Variants in MARK4 observed in about 807,000 individuals in gnomAD.
MARK4 encodes MAP/microtubule affinity-regulating kinase 4.
In MARK4, 19 loss-of-function variants were observed where a neutral mutation model predicts 81.5. The observed-to-expected ratio is 0.23, with a 90% CI of 0.16 to 0.34. The LOEUF is 0.34. MARK4 is among the 10% of genes least tolerant of loss of function. The probability of loss-of-function intolerance (pLI) is 1.00; values close to 1 mark genes in which losing one functional copy is unlikely to be tolerated. For synonymous variants in MARK4, 436 were observed against 439.0 expected, an observed-to-expected ratio of 0.99 and a Z score of 0.08; for missense variants, 772 against 1,058.8, an observed-to-expected ratio of 0.73 and a Z score of 3.76.
intron 10 of MARK4, among the ~76,000 whole-genome samples, chr19:45,279,659 C>T (rs1167138202): frequency 6.6e-6 from 1 of 152,104 alleles, no homozygotes; most frequent in Non-Finnish European, 1.5e-5. Flanking sequence ...ATTGTCAGTA[C>T]CACCAATTTT....
chr19:45,293,608 C>A (rs866183709), intron 13 of MARK4, among the ~76,000 whole-genome samples: 26 of 152,344 alleles, frequency 1.7e-4, no homozygotes, highest in South Asian at 1.4e-3. Context: ...CAGTGGAATT[C>A]TTCCAAACAC....
chr19:45,280,647 A>G lies in MARK4; in HGVS notation c.1189A>G (p.Thr397Ala), dbSNP rs1229552843. 4.3e-6 allele frequency: 7 copies of G among 1,614,022 alleles called. No individual in the cohort carries two copies. Among genetic ancestry groups the G allele is most frequent in the Non-Finnish European group, 5.9e-6 (7 of 1,180,014 alleles). The change falls in exon 12 of 17, where the codon ACA becomes GCA. Residue 397 changes from threonine (T) to alanine (A), a missense_variant. By Grantham distance (58) the Thr-to-Ala change is moderately conservative. Coordinates refer to ENST00000262891, the MANE Select transcript of MARK4 (RefSeq NM_001199867.2). The part of the protein sequence containing the change: ...VRAPSDTTNG[T>A]SSSKGTSHSK... ...GGCGCCCAGCGACACCACCAACGGA[A>G]CAAGTTCCAGCAAAGGCACCAGCCA... is the stretch of plus-strand genomic sequence containing the variant.
intron 3 of MARK4, 47 bp from the exon 4 acceptor site, chr19:45,263,272 G>A (rs773997689): frequency 1.2e-6 from 2 of 1,614,034 alleles, no homozygotes; most frequent in East Asian, 2.2e-5. Context: ...GATCCCCCAA[G>A]CCACCCACCC....
rs1174708975 is a variant in MARK4, at chr19:45,303,361, C to T, written c.*651C>T. 1.3e-5 allele frequency: 2 copies of T among 152,670 alleles called. No homozygotes were observed. The highest frequency in any genetic ancestry group is 2.1e-4 in the South Asian group (1 of 4,834). 9.5% of individuals were successfully genotyped at this position (152,670 alleles called of 1,614,324 possible). On this transcript the variant is annotated 3_prime_UTR_variant, in exon 17 of 17. Transcript: ENST00000262891. ...TGCCCAATAAATTTAAGAGAGTCCCCCCCTCCCCAATGCTGACCCTAGGAT... is the reference window on the plus strand; with the variant it reads ...TGCCCAATAAATTTAAGAGAGTCCCTCCCTCCCCAATGCTGACCCTAGGAT...
At chr19:45,266,322 A>G in intron 7 of MARK4, 41 bp downstream of exon 7, 4 of 1,600,360 alleles carry the variant, frequency 2.5e-6, no homozygotes, top group Non-Finnish European at 3.4e-6. Context: ...ACCACGGCTC[A>G]GCCCACAGAC....
At chr19:45,256,580 G>A (rs1318122111) in intron 1 of MARK4, among the ~76,000 whole-genome samples, 2 of 152,158 alleles carry the variant, frequency 1.3e-5, no homozygotes, top group African/African-American at 4.8e-5. Context: ...GCTGGAGAGG[G>A]GACAGTTGAT....
At chr19:45,286,972 T>G (rs947654611) in intron 12 of MARK4, among the ~76,000 whole-genome samples, 1 of 152,124 alleles carries the variant, frequency 6.6e-6, no homozygotes, top group Non-Finnish European at 1.5e-5. Context: ...TATAGCTGCA[T>G]AATTTTCCAC....
At chr19:45,292,996 G>A (rs1970838558) in intron 13 of MARK4, among the ~76,000 whole-genome samples, 1 of 152,082 alleles carries the variant, frequency 6.6e-6, no homozygotes, top group African/African-American at 2.4e-5. Context: ...GTCTGGGCGT[G>A]GTGGCTCATG....
rs760629322 is a variant in MARK4, at chr19:45,271,633, G to T, written c.711G>T (p.Val237=). Reference sequence around the variant, plus strand: ...GCAAGAAGTACGACGGGCCGGAGGTGGACATCTGGAGCCTGGGAGTCATCC... The same window carrying T: ...GCAAGAAGTACGACGGGCCGGAGGTTGACATCTGGAGCCTGGGAGTCATCC... ...FQGKKYDGPE[V]DIWSLGVILY... Residue 237 remains valine (V), a synonymous_variant, in exon 8 of 17, where the codon GTG becomes GTT. Transcript: ENST00000262891. The surrounding 1 kb of genome is among the most constrained non-coding windows in gnomAD (Gnocchi z 4.1). 1 of 1,614,252 alleles carries T rather than the reference G, an allele frequency of 6.2e-7. No homozygotes were observed. Among genetic ancestry groups the T allele is most frequent in the Admixed American group, 1.7e-5 (1 of 60,022 alleles).
At chr19:45,257,379 T>TTC (rs1306111555) in intron 1 of MARK4, among the ~76,000 whole-genome samples, 2 of 134,760 alleles carry the variant, frequency 1.5e-5, no homozygotes, top group East Asian at 2.0e-4. Context: ...CAATTTTTCT[T>TTC]TCTCTTTTTT....
Position 45,298,310 on chromosome 19 carries a change from T to C in MARK4, c.1877+356T>C. 2.9e-6 allele frequency: 4 copies of C among 1,386,778 alleles called. No individual in the cohort carries two copies. The Admixed American group carries it at 5.1e-5, about 18-fold the overall frequency. The allele number at this position is 1,386,778 out of a possible 1,614,324, so 85.9% of individuals were successfully genotyped here. ...GTGTGCGGGCATTGGGAGGGGGCTC[T>C]GTGGATGTGAGGGTCTGTGCGTGGG... On this transcript the variant is annotated intron_variant, in intron 15 of 16. Transcript: ENST00000262891.
chr19:45,295,628 AG>A (rs1408199125), intron 14 of MARK4, among the ~76,000 whole-genome samples: 3 of 152,176 alleles, frequency 2.0e-5, no homozygotes, highest in Non-Finnish European at 2.9e-5. Flanking sequence ...TACAAAAATT[AG>A]CCAGGAACGA....
intron 14 of MARK4, 45 bp from the exon 15 acceptor site, chr19:45,297,631 G>T: frequency 7.5e-7 from 1 of 1,341,418 alleles, no homozygotes. Context: ...TGGGGCCCTG[G>T]CCTGCCTCAG....
intron 2 of MARK4, among the ~76,000 whole-genome samples, chr19:45,262,389 A>G (rs1970392163): frequency 6.6e-6 from 1 of 152,066 alleles, no homozygotes; most frequent in Non-Finnish European, 1.5e-5. Context: ...TGGGAGGGAT[A>G]ATCCTAGCAC....
At position 45,264,848 on chromosome 19, in the gene MARK4, T is replaced by C; in HGVS notation, c.430T>C (p.Phe144Leu). The change falls in exon 6 of 17, where the codon TTT becomes CTT. Residue 144 changes from phenylalanine to leucine, a missense_variant. By Grantham distance (22) the Phe-to-Leu change is conservative. Around this residue, in one of 3 missense-constraint regions of MARK4, gnomAD observed 109 missense variants for 294.7 expected, o/e 0.37. Transcript: ENST00000262891. Reference protein sequence around the residue: ...VMEYASAGEVFDYLVSHGRMK... With the variant: ...VMEYASAGEVLDYLVSHGRMK... ...CGGCCTCTGCCCTGCAGGAGAAGTG[T>C]TTGACTACCTCGTGTCGCATGGCCG... 6.2e-7 allele frequency: 1 copy of C among 1,614,114 alleles called. No homozygotes were observed. The highest frequency in any genetic ancestry group is 8.5e-7 in the Non-Finnish European group (1 of 1,179,992).
chr19:45,264,993 TC>T, intron 6 of MARK4, 83 bp downstream of exon 6: 1 of 1,374,620 alleles, frequency 7.3e-7, no homozygotes, highest in Non-Finnish European at 1.0e-6. Flanking sequence ...GTCTGGGCTG[TC>T]CAGCGACCTG....
chr19:45,290,494 T>A (rs1970806801), intron 13 of MARK4, among the ~76,000 whole-genome samples: 1 of 152,280 alleles, frequency 6.6e-6, no homozygotes, highest in African/African-American at 2.4e-5. Context: ...CAGCCTTTAC[T>A]GGCAGTGTCC....
In MARK4 at chr19:45,300,484, A is replaced by G. The variant is rs1269878057; in HGVS notation, c.1922+629A>G. ...GGCAGCTCAGGGCCAGCAGGAGGCA[A>G]ACATCTGTACGGACCCAGATCATGA... On this transcript the variant is annotated intron_variant, in intron 16 of 16. Coordinates refer to ENST00000262891, the MANE Select transcript of MARK4 (RefSeq NM_001199867.2). Among the ~76,000 whole-genome samples, 4 of 152,014 alleles carry G rather than the reference A, an allele frequency of 2.6e-5. No homozygotes were observed. The East Asian group carries it at 5.8e-4, about 22-fold the overall frequency.
At chr19:45,253,188 C>G (rs1970266104) in intron 1 of MARK4, among the ~76,000 whole-genome samples, 1 of 139,818 alleles carries the variant, frequency 7.2e-6, no homozygotes, top group Non-Finnish European at 1.6e-5. Flanking sequence ...GACAGACCCC[C>G]CCACACACAC....
Sources: allele counts gnomAD v4.1 joint callset (sites outside exome capture counted in the v4.1 genomes callset), GRCh38; gene constraint gnomAD v4.1.1; regional missense constraint gnomAD v4.1.1; non-coding constraint Gnocchi (gnomAD v3.1); transcripts MANE v1.5; gene names NCBI Gene and HGNC (gene_info 2026-07-23, HGNC 2026-07-21).